Variants in CACNG3 observed in about 807,000 individuals in gnomAD.
CACNG3 encodes the protein calcium voltage-gated channel auxiliary subunit gamma 3.
CACNG3 carries 3 observed loss-of-function variants against 28.5 expected under a neutral mutation model. The ratio of observed to expected loss-of-function variants is 0.11; its 90% CI spans 0.05 to 0.27. CACNG3 has a LOEUF of 0.27. CACNG3 is among the 10% of genes least tolerant of loss of function. CACNG3 has a pLI of 1.00. For synonymous variants in CACNG3, 174 were observed against 162.2 expected (o/e 1.07, Z -0.55); for missense variants, 236 against 414.4 (o/e 0.57, Z 3.74).
At chr16:24,329,659 CA>C (rs1485898069) in intron 1 of CACNG3, among the ~76,000 whole-genome samples, 22 of 152,072 alleles carry the variant, frequency 1.4e-4, no homozygotes, top group Admixed American at 1.4e-3. Context: ...ACATTAGGGT[CA>C]AAAATAATAT....
chr16:24,349,838 T>A (rs1482882818), intron 2 of CACNG3, among the ~76,000 whole-genome samples: 3 of 152,148 alleles, frequency 2.0e-5, no homozygotes, highest in Admixed American at 6.5e-5. Context: ...ATTTCACCTA[T>A]CCCCTATTCA....
intron 1 of CACNG3, among the ~76,000 whole-genome samples, chr16:24,297,325 C>T (rs1310629590): frequency 6.6e-6 from 1 of 152,024 alleles, no homozygotes; most frequent in African/African-American, 2.4e-5. Context: ...TGTCCCCCTC[C>T]TCCAGACCAA....
intron 1 of CACNG3, among the ~76,000 whole-genome samples, chr16:24,279,363 G>A (rs1217720340): frequency 9.2e-5 from 14 of 152,058 alleles, no homozygotes; most frequent in East Asian, 1.9e-4. Context: ...GTGCAATCTC[G>A]GCTTACTGCA....
intron 1 of CACNG3, among the ~76,000 whole-genome samples, chr16:24,282,216 G>A (rs527561139): frequency 3.9e-5 from 6 of 152,124 alleles, no homozygotes; most frequent in Non-Finnish European, 8.8e-5. Flanking sequence ...CTTTGCTCTA[G>A]GTCAAACATG....
chr16:24,354,757 C>A, intron 2 of CACNG3, 76 bp from the exon 3 acceptor site: 1 of 1,448,412 alleles, frequency 6.9e-7, no homozygotes, highest in Non-Finnish European at 9.5e-7. Context: ...TCCTCTCAGG[C>A]ACTCCTGCGC....
At chr16:24,346,622 C>T (rs1899871069) in intron 1 of CACNG3, 112 bp from the exon 2 acceptor site, 3 of 724,904 alleles carry the variant, frequency 4.1e-6, no homozygotes, top group Non-Finnish European at 4.8e-6. Flanking sequence ...CCCAACAACC[C>T]TACAGCCCCC....
Position 24,326,701 on chromosome 16 carries a change from T to C in CACNG3, c.212-20033T>C, listed in dbSNP as rs184854332. The stretch of plus-strand genomic sequence containing the variant: ...ACATGCCCACTTCTGAAACTGACAA[T>C]GGAGTCACCCTATGCTCACCTCACT... On this transcript the variant is annotated intron_variant, in intron 1 of 3. Transcript: ENST00000005284. Among the ~76,000 whole-genome samples the C allele has an allele frequency of 3.2e-3, 484 of 152,206 alleles. 1 individual carries two copies. Among genetic ancestry groups the C allele is most frequent in the Non-Finnish European group, 5.7e-3 (388 of 68,008 alleles).
In CACNG3 at chr16:24,335,726, A is replaced by AC. The variant is rs754486755; in HGVS notation, c.212-11005dup. 9.2e-5 allele frequency among the ~76,000 whole-genome samples: 14 copies of AC among 152,226 alleles called. No individual in the cohort carries two copies. In the South Asian group the frequency reaches 2.3e-3, roughly 25 times the overall value. On this transcript the variant is annotated intron_variant, in intron 1 of 3. Transcript: ENST00000005284. ...TGTGAGGAATACCCAAAGAGCCCTT[A>AC]CCCAAGGCCTGACAGAGCACATCTC...
intron 2 of CACNG3, among the ~76,000 whole-genome samples, chr16:24,353,019 G>A (rs1899977678): frequency 6.6e-6 from 1 of 152,206 alleles, no homozygotes; most frequent in African/African-American, 2.4e-5. Flanking sequence ...CTGTTGCCCA[G>A]GCTGGAGTGT....
chr16:24,319,272 G>A (rs954228175), intron 1 of CACNG3, among the ~76,000 whole-genome samples: 12 of 152,302 alleles, frequency 7.9e-5, no homozygotes, highest in East Asian at 1.9e-4. Context: ...GGAGGTAAAG[G>A]AAGACAAAGG....
chr16:24,315,777 G>A (rs368848102), intron 1 of CACNG3, among the ~76,000 whole-genome samples: 1 of 152,084 alleles, frequency 6.6e-6, no homozygotes, highest in East Asian at 1.9e-4. Flanking sequence ...CCCTGCCTCA[G>A]TCTCCCAAGT....
chr16:24,349,605 C>A (rs79224127), intron 2 of CACNG3, among the ~76,000 whole-genome samples: 1 of 152,142 alleles, frequency 6.6e-6, no homozygotes, highest in African/African-American at 2.4e-5. Flanking sequence ...AGTGTCACGG[C>A]GCTGGCGAGA....
chr16:24,317,879 T>C (rs1341067131), intron 1 of CACNG3, among the ~76,000 whole-genome samples: 2 of 152,116 alleles, frequency 1.3e-5, no homozygotes, highest in Non-Finnish European at 2.9e-5. Flanking sequence ...TCCTTGAAGA[T>C]GGGGTGATGA....
chr16:24,317,606 G>GAAAGAAAGGA (rs1899378217), intron 1 of CACNG3, among the ~76,000 whole-genome samples: 4 of 66,032 alleles, frequency 6.1e-5, no homozygotes, highest in African/African-American at 1.4e-4. Flanking sequence ...AAGAAAGAAA[G>GAAAGAAAGGA]AAAGAAAGAA....
intron 1 of CACNG3, among the ~76,000 whole-genome samples, chr16:24,313,428 G>T (rs991747052): frequency 6.6e-6 from 1 of 152,152 alleles, no homozygotes; most frequent in African/African-American, 2.4e-5. Flanking sequence ...CCTACACTAA[G>T]TTGTCTCAAG....
intron 1 of CACNG3, among the ~76,000 whole-genome samples, chr16:24,318,145 G>T (rs1245295424): frequency 9.2e-5 from 14 of 152,114 alleles, no homozygotes; most frequent in Non-Finnish European, 2.1e-4. Context: ...CTAGAGCTGG[G>T]TATGGTGCTT....
chr16:24,297,002 C>A (rs1339804995), intron 1 of CACNG3, among the ~76,000 whole-genome samples: 2 of 152,098 alleles, frequency 1.3e-5, no homozygotes, highest in Non-Finnish European at 2.9e-5. Flanking sequence ...CAGTGGCCTG[C>A]ACCTGTAATC....
At chr16:24,293,619 CA>C (rs2141356500) in intron 1 of CACNG3, among the ~76,000 whole-genome samples, 1 of 152,192 alleles carries the variant, frequency 6.6e-6, no homozygotes, top group South Asian at 2.1e-4. Flanking sequence ...TTATAAAACT[CA>C]AAAGCACATC....
rs746855116 is a variant in CACNG3 at position 24,361,512 on chromosome 16, C to T, written c.597C>T (p.Ile199=). 1.9e-6 allele frequency: 3 copies of T among 1,614,100 alleles called. No individual in the cohort carries two copies. The highest frequency in any genetic ancestry group is 2.5e-6 in the Non-Finnish European group (3 of 1,180,000). Residue 199 remains isoleucine, a synonymous_variant, in exon 4 of 4, where the codon ATC becomes ATT. Coordinates refer to ENST00000005284, the MANE Select transcript of CACNG3 (RefSeq NM_006539.4). The surrounding 1 kb of genome is among the most constrained non-coding windows in gnomAD (Gnocchi z 6.8). ...TTGTAGGAGTGGTTGCCGTGCACAT[C>T]TATATTGAAAAACATCAGCAGTTAC... ...AEIVGVVAVH[I]YIEKHQQLRA...
Sources: allele counts gnomAD v4.1 joint callset (sites outside exome capture counted in the v4.1 genomes callset), GRCh38; gene constraint gnomAD v4.1.1; non-coding constraint Gnocchi (gnomAD v3.1); transcripts MANE v1.5; gene names NCBI Gene and HGNC (gene_info 2026-07-23, HGNC 2026-07-21).